CXXC4: variants seen among roughly 807,000 people sequenced by gnomAD.
CXXC4 encodes CXXC finger protein 4.
In CXXC4, 5 loss-of-function variants were observed where a neutral mutation model predicts 20.5. That is an observed-to-expected ratio of 0.24 (90% CI 0.13 to 0.51). The LOEUF is 0.51. CXXC4 is among the 20% of genes least tolerant of loss of function. The probability of loss-of-function intolerance (pLI) is 0.97; values close to 1 mark genes in which losing one functional copy is unlikely to be tolerated. For missense variants in CXXC4, 419 were observed against 496.4 expected (o/e 0.84, Z 1.48); for synonymous variants, 250 against 216.4 (o/e 1.16, Z -1.36).
chr4:104,491,652 T>A lies in CXXC4; in HGVS notation c.151A>T (p.Lys51Ter). ...TGTGGGAAGGCGCCCCCGTTGGTCTTGTAGAAGGAGGTGGCAAAGGAGCGG... is the reference window on the plus strand; with the variant it reads ...TGTGGGAAGGCGCCCCCGTTGGTCTAGTAGAAGGAGGTGGCAAAGGAGCGG... ...RYRSFATSFY[K>*]TNGGAFPQAA... Residue 51 changes from lysine (K) to a stop codon, truncating the protein, a stop_gained, in exon 2 of 3, where the codon AAG (lysine) becomes TAG (stop). Transcript: ENST00000394767. LOFTEE classifies it high-confidence loss of function. 6.5e-7 allele frequency: 1 copy of A among 1,541,572 alleles called. No homozygotes were observed. Among genetic ancestry groups the A allele is most frequent in the Non-Finnish European group, 8.8e-7 (1 of 1,142,804 alleles).
intron 2 of CXXC4, among the ~76,000 whole-genome samples, chr4:104,477,910 C>T (rs1736455724): frequency 6.6e-6 from 1 of 152,008 alleles, no homozygotes; most frequent in Non-Finnish European, 1.5e-5. Context: ...TATAATCACA[C>T]CTTATTTTGG....
chr4:104,492,816 G>A (rs970578095), intron 1 of CXXC4, among the ~76,000 whole-genome samples: 1 of 151,922 alleles, frequency 6.6e-6, no homozygotes, highest in African/African-American at 2.4e-5. Context: ...AGAGGGTGGT[G>A]TTCTACTTGA....
intron 2 of CXXC4, among the ~76,000 whole-genome samples, chr4:104,486,131 T>C (rs955431158): frequency 2.6e-5 from 4 of 152,108 alleles, no homozygotes; most frequent in Middle Eastern, 3.2e-3. Context: ...TATTCCTAAT[T>C]GCCATCTAAA....
At chr4:104,482,173 A>T (rs1001757576) in intron 2 of CXXC4, among the ~76,000 whole-genome samples, 11 of 152,182 alleles carry the variant, frequency 7.2e-5, no homozygotes, top group Non-Finnish European at 1.5e-4. Context: ...ACTTTCTAAA[A>T]AATCTTGATG....
chr4:104,491,413 ACCCCCG>A lies in CXXC4; in HGVS notation c.384_389del (p.Gly133_Gly134del), dbSNP rs1353628694. On this transcript the variant is annotated inframe_deletion, in exon 2 of 3. Coordinates refer to ENST00000394767, the MANE Select transcript of CXXC4 (RefSeq NM_025212.4). Reference sequence around the variant, plus strand: ...AGGAGGATTTCCTGCCGCCCCCACCACCCCCGCCCCCGCCTCCGCCGCCGCCGCCGC... The same window carrying A: ...AGGAGGATTTCCTGCCGCCCCCACCACCCCCGCCTCCGCCGCCGCCGCCGC... 4 of 931,974 alleles carry A rather than the reference ACCCCCG, an allele frequency of 4.3e-6. No individual in the cohort carries two copies. Among genetic ancestry groups the A allele is most frequent in the East Asian group, 7.3e-5 (2 of 27,282 alleles). The allele number at this position is 931,974 out of a possible 1,614,324, so 57.7% of individuals were successfully genotyped here.
chr4:104,482,133 A>G (rs1235373770), intron 2 of CXXC4, among the ~76,000 whole-genome samples: 1 of 152,200 alleles, frequency 6.6e-6, no homozygotes, highest in Admixed American at 6.5e-5. Flanking sequence ...ATAAACTCAT[A>G]TATTTTTCTG....
chr4:104,493,048 A>AGG (rs10633436), intron 1 of CXXC4, among the ~76,000 whole-genome samples: 1,970 of 132,426 alleles, frequency 0.015, 49 homozygotes, highest in African/African-American at 0.052. Context: ...ATTGAGTAAA[A>AGG]GGGGGGGGGG....
Position 104,470,143 on chromosome 4 carries a change from AC to A in CXXC4, c.*2178del, listed in dbSNP as rs556180454. 1.2e-4 allele frequency: 17 copies of A among 146,838 alleles called. No individual in the cohort carries two copies. In the South Asian group the frequency reaches 3.7e-3, roughly 32 times the overall value. The allele number at this position is 146,838 out of a possible 1,614,324, so 9.1% of individuals were successfully genotyped here. A position where few individuals can be genotyped will look rare whatever the true frequency, so the allele number is the denominator to read the frequency against. On this transcript the variant is annotated 3_prime_UTR_variant, in exon 3 of 3. Coordinates refer to ENST00000394767, the MANE Select transcript of CXXC4 (RefSeq NM_025212.4). Reference sequence around the variant, plus strand: ...TAATTAGCAAATTGGTAAACAAAAAACAAAAAATAAAATAATGGAAAAGGAA... The same window carrying A: ...TAATTAGCAAATTGGTAAACAAAAAAAAAAAATAAAATAATGGAAAAGGAA...
At chr4:104,488,147 T>C (rs760132044) in intron 2 of CXXC4, among the ~76,000 whole-genome samples, 3 of 152,144 alleles carry the variant, frequency 2.0e-5, no homozygotes, top group Non-Finnish European at 4.4e-5. Context: ...AGCTATGGAG[T>C]TTACATCTGG....
chr4:104,483,669 G>C (rs1050632878), intron 2 of CXXC4, among the ~76,000 whole-genome samples: 1 of 151,488 alleles, frequency 6.6e-6, no homozygotes, highest in African/African-American at 2.4e-5. Flanking sequence ...TTTCCAACTG[G>C]AATTCATTTC....
chr4:104,491,449 GCCACCCCCC>G lies in CXXC4; in HGVS notation c.345_353del (p.Gly132_Gly134del). 3 of 906,882 alleles carry G rather than the reference GCCACCCCCC, an allele frequency of 3.3e-6. No individual in the cohort carries two copies. The highest frequency in any genetic ancestry group is 4.1e-6 in the Non-Finnish European group (3 of 733,886). 56.2% of individuals were successfully genotyped at this position (906,882 alleles called of 1,614,324 possible). A position where few individuals can be genotyped will look rare whatever the true frequency, so the allele number is the denominator to read the frequency against. On this transcript the variant is annotated inframe_deletion, in exon 2 of 3. Transcript: ENST00000394767. ...CGCCTCCGCCGCCGCCGCCGCCGCCGCCACCCCCCCCGCCGCCGCCCCCGCCCCCGCCGC... is the reference window on the plus strand; with the variant it reads ...CGCCTCCGCCGCCGCCGCCGCCGCCGCCGCCGCCGCCCCCGCCCCCGCCGC...
At chr4:104,486,673 G>A (rs926994227) in intron 2 of CXXC4, among the ~76,000 whole-genome samples, 12 of 152,024 alleles carry the variant, frequency 7.9e-5, no homozygotes, top group Non-Finnish European at 1.6e-4. Flanking sequence ...AAAACTGGTG[G>A]ATGTTTCCAT....
intron 2 of CXXC4, among the ~76,000 whole-genome samples, chr4:104,485,038 C>A (rs1258191139): frequency 1.3e-5 from 2 of 151,884 alleles, no homozygotes; most frequent in Non-Finnish European, 2.9e-5. Flanking sequence ...AATGAAGGAA[C>A]AAAATTACAC....
chr4:104,491,150 T>C lies in CXXC4; in HGVS notation c.653A>G (p.Lys218Arg). ...PLAGECMNKLKCGAAEAEIMN... is the reference protein window; with the variant it reads ...PLAGECMNKLRCGAAEAEIMN... ...TATCTCTGCTTCAGCAGCGCCGCAT[T>C]TGAGCTTGTTCATGCATTCCCCCGC... The change falls in exon 2 of 3, where the codon AAA becomes AGA. Residue 218 changes from lysine to arginine, a missense_variant. This residue lies in a region of CXXC4 where 388 missense variants were observed against 416.0 expected (regional missense o/e 0.93). Coordinates refer to ENST00000394767, the MANE Select transcript of CXXC4 (RefSeq NM_025212.4). 1 of 1,613,956 alleles carries C rather than the reference T, an allele frequency of 6.2e-7. No homozygotes were observed. The highest frequency in any genetic ancestry group is 8.5e-7 in the Non-Finnish European group (1 of 1,179,984).
rs1736181471 is a variant in CXXC4 at position 104,468,572 on chromosome 4, G to A, written c.*3750C>T. On this transcript the variant is annotated 3_prime_UTR_variant, in exon 3 of 3. Transcript: ENST00000394767. Reference sequence around the variant, plus strand: ...TCAGAAGAGGAGAACACTGTGAAAGGAGTACATTTTGTGGCCCATGTTCCT... The same window carrying A: ...TCAGAAGAGGAGAACACTGTGAAAGAAGTACATTTTGTGGCCCATGTTCCT... 1 of 151,738 alleles carries A rather than the reference G, an allele frequency of 6.6e-6. No homozygotes were observed. The highest frequency in any genetic ancestry group is 2.4e-5 in the African/African-American group (1 of 41,372). 9.4% of individuals were successfully genotyped at this position (151,738 alleles called of 1,614,324 possible).
intron 2 of CXXC4, among the ~76,000 whole-genome samples, chr4:104,481,836 A>G (rs547690459): frequency 6.6e-6 from 1 of 152,330 alleles, no homozygotes; most frequent in East Asian, 1.9e-4. Flanking sequence ...ATGAATAGAC[A>G]GCAAAGGTAT....
Position 104,491,876 on chromosome 4 carries a change from G to T in CXXC4, c.-74C>A. On this transcript the variant is annotated 5_prime_UTR_variant, in exon 2 of 3. Coordinates refer to ENST00000394767, the MANE Select transcript of CXXC4 (RefSeq NM_025212.4). ...GTCCGACACCTGGGTGGAAAAGGGG[G>T]AAAGGTGGGGGGGAGGGAAGGGAGT... 1.0e-5 allele frequency: 2 copies of T among 197,260 alleles called. No individual in the cohort carries two copies. The highest frequency in any genetic ancestry group is 1.6e-5 in the Non-Finnish European group (2 of 123,192). The allele number at this position is 197,260 out of a possible 1,614,324, so 12.2% of individuals were successfully genotyped here.
rs1289825141 is a variant in CXXC4, at chr4:104,490,933, GGAC to G, written c.867_869del (p.Ser292del). On this transcript the variant is annotated inframe_deletion, in exon 2 of 3. Transcript: ENST00000394767. ...TGGCTCCGCCAGCTCCCCCTGAGGA[GGAC>G]GAGGAGGAGGAGGAATGATTCTGCG... is the stretch of plus-strand genomic sequence containing the variant. 4 of 1,613,968 alleles carry G rather than the reference GGAC, an allele frequency of 2.5e-6. No individual in the cohort carries two copies. The Admixed American group carries it at 5.0e-5, about 20-fold the overall frequency.
rs1736996186 is a variant in CXXC4, at chr4:104,494,691, A to G, written c.-258+10T>C. 1 of 150,870 alleles carries G rather than the reference A, an allele frequency of 6.6e-6. No individual in the cohort carries two copies. The highest frequency in any genetic ancestry group is 6.6e-5 in the Admixed American group (1 of 15,144). 9.3% of individuals were successfully genotyped at this position (150,870 alleles called of 1,614,324 possible). Reference sequence around the variant, plus strand: ...GGGGGGTAAATAAATATGCGGATCAAAAAAAATACCTGTAAATGGCTTTTT... The same window carrying G: ...GGGGGGTAAATAAATATGCGGATCAGAAAAAATACCTGTAAATGGCTTTTT... On this transcript the variant is annotated intron_variant, in intron 1 of 2. Coordinates refer to ENST00000394767, the MANE Select transcript of CXXC4 (RefSeq NM_025212.4).
Sources: gnomAD v4.1 joint callset for allele counts (sites outside exome capture counted in the v4.1 genomes callset) on GRCh38, gnomAD v4.1.1 for gene constraint, gnomAD v4.1.1 regional missense constraint, MANE v1.5 for transcripts, NCBI Gene and HGNC (gene_info 2026-07-23, HGNC 2026-07-21) for gene names.